The following ZCCHC14 variants were observed in gnomAD, a reference collection of about 807,000 sequenced individuals.
ZCCHC14 encodes zinc finger CCHC-type containing 14.
In ZCCHC14, 16 loss-of-function variants were observed where a neutral mutation model predicts 85.0. The observed-to-expected ratio is 0.19, with a 90% CI of 0.13 to 0.29. The LOEUF is 0.29. Among genes scored for constraint, ZCCHC14 ranks in the 10% least tolerant of loss-of-function variants. ZCCHC14 has a pLI of 1.00. For synonymous variants in ZCCHC14, 775 were observed against 630.7 expected (o/e 1.23, Z -3.43); for missense variants, 1,303 against 1,443.5 (o/e 0.90, Z 1.58).
chr16:87,444,148 G>A (rs911948219), intron 2 of ZCCHC14, among the ~76,000 whole-genome samples: 4 of 152,060 alleles, frequency 2.6e-5, no homozygotes, highest in Non-Finnish European at 5.9e-5. Context: ...CCATCAGCAG[G>A]GCACACACAG....
At chr16:87,417,901 G>C (rs1908879354) in intron 7 of ZCCHC14, 159 bp from the exon 8 acceptor site, 1 of 827,126 alleles carries the variant, frequency 1.2e-6, no homozygotes, top group South Asian at 2.0e-5. Flanking sequence ...GCTGTGCTAT[G>C]ACTGCCCTCC....
rs367945655 is a variant in ZCCHC14, at chr16:87,460,029, G to T, written c.673C>A (p.Pro225Thr). The change falls in exon 2 of 13, where the codon CCC (proline) becomes ACC (threonine). Residue 225 changes from proline (P) to threonine (T), a missense_variant. This residue lies in a region of ZCCHC14 where 389 missense variants were observed against 397.8 expected (regional missense o/e 0.98). Transcript: ENST00000671377. ...TCACCTTTGCTGTGTTTTCCTAAGG[G>T]CCTCTTGGGCAGCGACTCCTCCGTG... Reference protein sequence around the residue: ...HSTEESLPKRPLGKHSKVSVE... With the variant: ...HSTEESLPKRTLGKHSKVSVE... 1 of 1,614,088 alleles carries T rather than the reference G, an allele frequency of 6.2e-7. No individual in the cohort carries two copies. Among genetic ancestry groups the T allele is most frequent in the South Asian group, 1.1e-5 (1 of 91,082 alleles).
chr16:87,417,147 C>T lies in ZCCHC14; in HGVS notation c.1383+313G>A, dbSNP rs550951130. Reference sequence around the variant, plus strand: ...GCCGAGAAATGTCTAAAAGGGGCACCGTGCCAGAGCTCAGGATTTCTGTCC... The same window carrying T: ...GCCGAGAAATGTCTAAAAGGGGCACTGTGCCAGAGCTCAGGATTTCTGTCC... On this transcript the variant is annotated intron_variant, in intron 8 of 12. Coordinates refer to ENST00000671377, the MANE Select transcript of ZCCHC14 (RefSeq NM_015144.3). Among the ~76,000 whole-genome samples, 192 of 152,298 alleles carry T rather than the reference C, an allele frequency of 1.3e-3. 4 individuals are homozygous for T. The highest frequency in any genetic ancestry group is 0.011 in the Admixed American group (162 of 15,308).
chr16:87,490,500 C>T (rs1168481753), intron 1 of ZCCHC14, among the ~76,000 whole-genome samples: 1 of 152,244 alleles, frequency 6.6e-6, no homozygotes, highest in East Asian at 1.9e-4. Context: ...TTCAAAATAG[C>T]TGGAGCCCCA....
At chr16:87,427,994 C>G (rs1299864490) in intron 3 of ZCCHC14, among the ~76,000 whole-genome samples, 2 of 149,646 alleles carry the variant, frequency 1.3e-5, no homozygotes, top group Middle Eastern at 3.4e-3. Flanking sequence ...CCAGGCTAGT[C>G]ACAGTCTCCT....
At chr16:87,472,377 A>G (rs1168308275) in intron 1 of ZCCHC14, 1 of 152,312 alleles carries the variant, frequency 6.6e-6, no homozygotes, top group Non-Finnish European at 1.5e-5. Context: ...CCTGGCAAAC[A>G]GCAAGCGCCC....
intron 9 of ZCCHC14, 142 bp from the exon 10 acceptor site, chr16:87,414,683 G>T: frequency 8.4e-7 from 1 of 1,196,072 alleles, no homozygotes; most frequent in Non-Finnish European, 1.1e-6. Flanking sequence ...CACACCACAG[G>T]GAAATTCCCC....
chr16:87,467,022 G>A (rs1416433249), intron 1 of ZCCHC14: 1 of 414,332 alleles, frequency 2.4e-6, no homozygotes, highest in Non-Finnish European at 4.2e-6. Flanking sequence ...GAGGTCACGT[G>A]TTTTTCATGA....
intron 10 of ZCCHC14, among the ~76,000 whole-genome samples, chr16:87,413,509 C>A (rs1480941032): frequency 1.3e-5 from 2 of 152,216 alleles, no homozygotes; most frequent in East Asian, 1.9e-4. Context: ...CCCCATCTCA[C>A]GAGGCCGGCC....
chr16:87,421,320 G>C (rs8043568), intron 4 of ZCCHC14, among the ~76,000 whole-genome samples: 23,680 of 152,190 alleles, frequency 0.16, 3,685 homozygotes, highest in African/African-American at 0.41. Context: ...CCTGGCCCCA[G>C]AGCCCAAACC....
chr16:87,431,396 C>A (rs1909650288), intron 3 of ZCCHC14, among the ~76,000 whole-genome samples: 1 of 150,718 alleles, frequency 6.6e-6, no homozygotes. Context: ...TGGTGTGAAC[C>A]CGGGAGGCGG....
chr16:87,444,038 G>GAA (rs56352252), intron 2 of ZCCHC14, among the ~76,000 whole-genome samples: 17 of 77,070 alleles, frequency 2.2e-4, no homozygotes, highest in East Asian at 5.2e-4. Context: ...CTCTATCACA[G>GAA]AAAAAAAAAA....
chr16:87,424,278 G>A (rs1157824745), intron 3 of ZCCHC14, among the ~76,000 whole-genome samples: 1 of 152,136 alleles, frequency 6.6e-6, no homozygotes, highest in Non-Finnish European at 1.5e-5. Context: ...GCAGCCCTTC[G>A]ACCACCGGTA....
intron 10 of ZCCHC14, 120 bp downstream of exon 10, chr16:87,414,294 G>T: frequency 2.3e-6 from 3 of 1,287,168 alleles, no homozygotes; most frequent in Non-Finnish European, 3.3e-6. Flanking sequence ...CCCTCTCTGT[G>T]TACGAGTAAC....
Position 87,408,787 on chromosome 16 carries a change from A to G in ZCCHC14, c.*1493T>C, listed in dbSNP as rs1263203921. On this transcript the variant is annotated 3_prime_UTR_variant, in exon 13 of 13. Coordinates refer to ENST00000671377, the MANE Select transcript of ZCCHC14 (RefSeq NM_015144.3). ...TCATTCTAGGGTATTCTTCTGATTT[A>G]CATCAATTTTTCATGAGGCTGATTG... 4 of 152,486 alleles carry G rather than the reference A, an allele frequency of 2.6e-5. No individual in the cohort carries two copies. 9.4% of individuals were successfully genotyped at this position (152,486 alleles called of 1,614,324 possible). A position where few individuals can be genotyped will look rare whatever the true frequency, so the allele number is the denominator to read the frequency against.
rs144728350 is a variant in ZCCHC14, at chr16:87,457,431, A to G, written c.694+2577T>C. ...GTGACTCAGTTCTCCCATCTGTAAA[A>G]TGGGGTAAAAATCACCACATGGGAT... On this transcript the variant is annotated intron_variant, in intron 2 of 12. Transcript: ENST00000671377. Among the ~76,000 whole-genome samples, 724 of 152,332 alleles carry G rather than the reference A, an allele frequency of 4.8e-3. 4 individuals are homozygous for G. Among genetic ancestry groups the G allele is most frequent in the African/African-American group, 0.016 (673 of 41,568 alleles).
intron 2 of ZCCHC14, among the ~76,000 whole-genome samples, chr16:87,436,832 G>A (rs1368021550): frequency 1.3e-5 from 2 of 152,186 alleles, no homozygotes; most frequent in East Asian, 1.9e-4. Flanking sequence ...AAAACTAAAC[G>A]ATCGAAAGTG....
chr16:87,462,726 ACT>A (rs1375677626), intron 1 of ZCCHC14, among the ~76,000 whole-genome samples: 3 of 132,008 alleles, frequency 2.3e-5, no homozygotes, highest in Non-Finnish European at 3.2e-5. Context: ...GGCGACAGAG[ACT>A]CTATCTCACA....
chr16:87,468,502 G>A (rs900836396), intron 1 of ZCCHC14, among the ~76,000 whole-genome samples: 3 of 151,312 alleles, frequency 2.0e-5, no homozygotes, highest in Non-Finnish European at 2.9e-5. Flanking sequence ...AGCCTCCAGA[G>A]AAGCTGGGAC....
Sources: allele counts gnomAD v4.1 joint callset (sites outside exome capture counted in the v4.1 genomes callset), GRCh38; gene constraint gnomAD v4.1.1; regional missense constraint gnomAD v4.1.1; transcripts MANE v1.5; gene names NCBI Gene and HGNC (gene_info 2026-07-23, HGNC 2026-07-21).